SLC25A48: variants seen among roughly 807,000 people sequenced by gnomAD.
SLC25A48 encodes the protein CTC-321K16.1.
In SLC25A48, 29 loss-of-function variants were observed where a neutral mutation model predicts 32.2. The ratio of observed to expected loss-of-function variants is 0.90; its 90% CI spans 0.67 to 1.23. SLC25A48 has a LOEUF of 1.23. Ranked by LOEUF, SLC25A48 falls within the 50% of genes most tolerant of loss-of-function variation. The pLI, the probability that SLC25A48 is intolerant of heterozygous loss-of-function variation, is 0.00. For synonymous variants in SLC25A48, 164 were observed against 172.3 expected, an observed-to-expected ratio of 0.95 and a Z score of 0.38; for missense variants, 399 against 422.7, an observed-to-expected ratio of 0.94 and a Z score of 0.49.
At chr5:135,667,921 C>G (rs935198970) in intron 3 of SLC25A48, among the ~76,000 whole-genome samples, 1 of 152,210 alleles carries the variant, frequency 6.6e-6, no homozygotes, top group African/African-American at 2.4e-5. Context: ...GGCACAACGC[C>G]TTAGTCTCAC....
At chr5:135,654,919 G>T (rs1753207614) in intron 3 of SLC25A48, among the ~76,000 whole-genome samples, 1 of 152,208 alleles carries the variant, frequency 6.6e-6, no homozygotes, top group South Asian at 2.1e-4. Flanking sequence ...CTGAGCATAA[G>T]GCTTGGCCCA....
At chr5:135,864,817 G>GCT (rs2126783603) in intron 4 of SLC25A48, among the ~76,000 whole-genome samples, 1 of 152,314 alleles carries the variant, frequency 6.6e-6, no homozygotes, top group African/African-American at 2.4e-5. Context: ...TTTATTTAAA[G>GCT]CAATTGACAA....
chr5:135,850,934 A>C lies in SLC25A48; in HGVS notation c.162+438A>C, dbSNP rs562022178. ...CGCCCAGGTCACTTTAGACCATGCG[A>C]CCTGAGGTATTCCTTTTCCGAAGGG... On this transcript the variant is annotated intron_variant, in intron 3 of 7. Coordinates refer to ENST00000681962, the MANE Select transcript of SLC25A48 (RefSeq NM_001349336.2). Among the ~76,000 whole-genome samples, 10 of 152,228 alleles carry C rather than the reference A, an allele frequency of 6.6e-5. No individual in the cohort carries two copies. In the South Asian group the frequency reaches 2.1e-3, roughly 32 times the overall value.
At chr5:135,715,275 A>G (rs1754766715) in intron 3 of SLC25A48, among the ~76,000 whole-genome samples, 1 of 152,182 alleles carries the variant, frequency 6.6e-6, no homozygotes, top group Admixed American at 6.5e-5. Flanking sequence ...CAGAAGGGGC[A>G]CATTTCTGTC....
intron 3 of SLC25A48, among the ~76,000 whole-genome samples, chr5:135,851,294 CT>C (rs955612943): frequency 6.6e-6 from 1 of 152,180 alleles, no homozygotes; most frequent in African/African-American, 2.4e-5. Context: ...GTGTAACTCC[CT>C]TGATCGGCTG....
At chr5:135,605,118 G>T (rs1751902733) in intron 1 of SLC25A48, among the ~76,000 whole-genome samples, 1 of 152,088 alleles carries the variant, frequency 6.6e-6, no homozygotes, top group Admixed American at 6.5e-5. Flanking sequence ...TTATATGTAT[G>T]CACTTATATA....
At chr5:135,814,332 A>G (rs1757663846) in intron 4 of SLC25A48, among the ~76,000 whole-genome samples, 1 of 152,026 alleles carries the variant, frequency 6.6e-6, no homozygotes, top group Non-Finnish European at 1.5e-5. Flanking sequence ...CAGACAGCCT[A>G]CTCTGATCAC....
intron 3 of SLC25A48, among the ~76,000 whole-genome samples, chr5:135,808,901 A>G (rs1334445870): frequency 2.0e-5 from 3 of 152,214 alleles, no homozygotes. Flanking sequence ...TCCCGTTTCA[A>G]CAACAGGAAG....
At chr5:135,850,349 T>TC in intron 2 of SLC25A48, 76 bp from the exon 3 acceptor site, 1 of 1,469,146 alleles carries the variant, frequency 6.8e-7, no homozygotes, top group Non-Finnish European at 9.5e-7. Context: ...GCAGGGCCTT[T>TC]CCCTCTGGGC....
chr5:135,747,519 C>T (rs1311464977), intron 3 of SLC25A48, among the ~76,000 whole-genome samples: 1 of 152,104 alleles, frequency 6.6e-6, no homozygotes, highest in Non-Finnish European at 1.5e-5. Flanking sequence ...ATATTTCAGT[C>T]ATCCCTTCTC....
At chr5:135,596,038 C>G (rs1751642433) in intron 1 of SLC25A48, among the ~76,000 whole-genome samples, 2 of 152,192 alleles carry the variant, frequency 1.3e-5, no homozygotes, top group African/African-American at 2.4e-5. Flanking sequence ...CTTACCCTTG[C>G]CAGAACTGCC....
chr5:135,619,628 G>T (rs1263618885), intron 1 of SLC25A48, among the ~76,000 whole-genome samples: 1 of 152,152 alleles, frequency 6.6e-6, no homozygotes, highest in Non-Finnish European at 1.5e-5. Context: ...TTCTTCCAAT[G>T]TTTTGAATTT....
chr5:135,843,094 G>A (rs1759137039), intron 2 of SLC25A48, among the ~76,000 whole-genome samples: 1 of 152,220 alleles, frequency 6.6e-6, no homozygotes, highest in Non-Finnish European at 1.5e-5. Flanking sequence ...TCCTAGGTCA[G>A]GGCCCATGCT....
At chr5:135,800,685 A>AC in intron 3 of SLC25A48, among the ~76,000 whole-genome samples, 1 of 151,784 alleles carries the variant, frequency 6.6e-6, no homozygotes, top group Admixed American at 6.6e-5. Flanking sequence ...TTGAGTGTAC[A>AC]CCCCCCTGGG....
At chr5:135,796,005 C>T (rs1757163067) in intron 3 of SLC25A48, among the ~76,000 whole-genome samples, 1 of 41,916 alleles carries the variant, frequency 2.4e-5, no homozygotes, top group Non-Finnish European at 7.0e-5. Context: ...CTCCCAGTAT[C>T]GCGAGGGGGG....
chr5:135,601,936 G>A lies in SLC25A48; in HGVS notation c.-849+22339G>A, dbSNP rs1236535923. 2.0e-5 allele frequency among the ~76,000 whole-genome samples: 3 copies of A among 152,178 alleles called. No individual in the cohort carries two copies. The East Asian group carries it at 5.8e-4, about 29-fold the overall frequency. ...CTTTTTATAAAACATGGTTAACAAT[G>A]TCTACTGCACAGGTTTATAGTGAGG... On this transcript the variant is annotated intron_variant, in intron 1 of 10. Transcript: ENST00000646290.
chr5:135,840,956 G>C (rs372740564), intron 1 of SLC25A48, among the ~76,000 whole-genome samples: 1 of 151,706 alleles, frequency 6.6e-6, no homozygotes, highest in Non-Finnish European at 1.5e-5. Flanking sequence ...GTTGGGTTAG[G>C]TTGTAACTCT....
At chr5:135,855,678 C>T (rs957115165) in intron 4 of SLC25A48, among the ~76,000 whole-genome samples, 2 of 152,234 alleles carry the variant, frequency 1.3e-5, no homozygotes, top group South Asian at 4.1e-4. Flanking sequence ...AGCACTAAGC[C>T]AAGCATGGTG....
rs553838971 is a variant in SLC25A48 at position 135,646,311 on chromosome 5, C to A, written c.-521+11355C>A. Among the ~76,000 whole-genome samples the A allele has an allele frequency of 5.3e-5, 8 of 152,170 alleles. 1 individual carries two copies. Among genetic ancestry groups the A allele is most frequent in the African/African-American group, 1.9e-4 (8 of 41,534 alleles). ...GGAGACCCAGCATGTGTTTCAGGAG[C>A]CTTATGGCAGATCACTCATTTTTAT... is the stretch of plus-strand genomic sequence containing the variant. On this transcript the variant is annotated intron_variant, in intron 3 of 10. Coordinates refer to the SLC25A48 transcript ENST00000646290.
Sources: allele counts gnomAD v4.1 joint callset (sites outside exome capture counted in the v4.1 genomes callset), GRCh38; gene constraint gnomAD v4.1.1; transcripts MANE v1.5; gene names NCBI Gene and HGNC (gene_info 2026-07-23, HGNC 2026-07-21).